RNF213: variants seen among roughly 807,000 people sequenced by gnomAD.
RNF213 encodes ring finger protein 213.
In RNF213, 341 loss-of-function variants were observed where a neutral mutation model predicts 514.4. That is an observed-to-expected ratio of 0.66 (90% confidence interval 0.61 to 0.73). The LOEUF is 0.73. RNF213 is among the 30% of genes least tolerant of loss of function. The pLI, the probability that RNF213 is intolerant of heterozygous loss-of-function variation, is 0.00. For synonymous variants in RNF213, 2,655 were observed against 2,658.2 expected (o/e 1.00, Z 0.04); for missense variants, 5,767 against 6,615.6 (o/e 0.87, Z 4.45).
In RNF213 at chr17:80,336,241, T is replaced by A. The variant is rs1164374129; in HGVS notation, c.4390T>A (p.Cys1464Ser). 1.3e-6 allele frequency: 2 copies of A among 1,537,266 alleles called. No homozygotes were observed. Among genetic ancestry groups the A allele is most frequent in the Non-Finnish European group, 1.7e-6 (2 of 1,146,906 alleles). ...TGACATTGATGTGGACCGGGTGGCC[T>A]GCTTCCATGACGCTGTGCAGGGCTA... ...ENDIDVDRVA[C>S]FHDAVQGYAS... Residue 1464 changes from cysteine to serine, a missense_variant, in exon 23 of 68, where the codon TGC becomes AGC. Around this residue, in one of 13 missense-constraint regions of RNF213, gnomAD observed 15 missense variants for 39.0 expected, o/e 0.38. Coordinates refer to ENST00000582970, the MANE Select transcript of RNF213 (RefSeq NM_001256071.3).
chr17:80,331,201 G>C (rs1261510425), intron 20 of RNF213, among the ~76,000 whole-genome samples: 1 of 152,086 alleles, frequency 6.6e-6, no homozygotes, highest in Non-Finnish European at 1.5e-5. Context: ...TGCACAATGT[G>C]TGTCTGCTTT....
At position 80,332,330 on chromosome 17, in the gene RNF213, C is replaced by T. The variant is rs538670385; in HGVS notation, c.3842C>T (p.Pro1281Leu). ...GAGGTGTATGACTATTTGTATCAGC[C>T]TTCTTACAGAAAGTTCATTAAGTTG... ...LEEVYDYLYQ[P>L]SYRKFIKLHQ... is the part of the protein sequence containing the mutation. The change falls in exon 21 of 68, where the codon CCT becomes CTT. Residue 1281 changes from proline to leucine, a missense_variant. Around this residue, in one of 13 missense-constraint regions of RNF213, gnomAD observed 516 missense variants for 566.5 expected, o/e 0.91. Coordinates refer to ENST00000582970, the MANE Select transcript of RNF213 (RefSeq NM_001256071.3). The T allele has an allele frequency of 6.2e-5, 96 of 1,537,192 alleles. 1 individual carries two copies. In the South Asian group the frequency reaches 1.1e-3, roughly 18 times the overall value.
At chr17:80,371,656 C>T in intron 46 of RNF213, 1 of 453,288 alleles carries the variant, frequency 2.2e-6, no homozygotes, top group Admixed American at 3.8e-5. Flanking sequence ...GGTCCTGAAA[C>T]CAAAGTTTGA....
rs1487509285 is a variant in RNF213 at position 80,343,734 on chromosome 17, T to C, written c.6184-123T>C. Reference sequence around the variant, plus strand: ...CTTGGAGACATGGGCCGTTGTTGGCTGAAATGTTGATGTTGATCATCAGGA... The same window carrying C: ...CTTGGAGACATGGGCCGTTGTTGGCCGAAATGTTGATGTTGATCATCAGGA... On this transcript the variant is annotated intron_variant, in intron 27 of 67. Coordinates refer to ENST00000582970, the MANE Select transcript of RNF213 (RefSeq NM_001256071.3). The surrounding 1 kb of genome is among the most constrained non-coding windows in gnomAD (Gnocchi z 4.3). 2.9e-6 allele frequency: 3 copies of C among 1,028,558 alleles called. No individual in the cohort carries two copies. Among genetic ancestry groups the C allele is most frequent in the South Asian group, 1.3e-5 (1 of 78,224 alleles). 63.7% of individuals were successfully genotyped at this position (1,028,558 alleles called of 1,614,324 possible).
In RNF213 at chr17:80,343,516, C is replaced by T. The variant is rs1296187059; in HGVS notation, c.6183+191C>T. 1.3e-5 allele frequency among the ~76,000 whole-genome samples: 2 copies of T among 152,132 alleles called. No individual in the cohort carries two copies. The highest frequency in any genetic ancestry group is 2.9e-5 in the Non-Finnish European group (2 of 68,038). On this transcript the variant is annotated intron_variant, in intron 27 of 67. Transcript: ENST00000582970. The surrounding 1 kb of genome is among the most constrained non-coding windows in gnomAD (Gnocchi z 4.3). ...CTCCTTGTGTGAACGTCATGGTGTG[C>T]GCTTACACTAACCTAGACGTAGAGC...
intron 1 of RNF213, among the ~76,000 whole-genome samples, chr17:80,261,344 C>T (rs868474928): frequency 3.9e-5 from 6 of 152,238 alleles, no homozygotes; most frequent in Admixed American, 2.6e-4. Flanking sequence ...AAAACAGACT[C>T]CTAACTTTTA....
intron 36 of RNF213, chr17:80,355,393 G>C (rs1197007447): frequency 9.1e-6 from 3 of 330,116 alleles, no homozygotes; most frequent in Non-Finnish European, 1.9e-5. Context: ...AAGAAGCGGG[G>C]TGAATGGGAA....
chr17:80,291,262 ATT>A (rs57271953), intron 7 of RNF213, among the ~76,000 whole-genome samples: 16 of 137,342 alleles, frequency 1.2e-4, no homozygotes, highest in Admixed American at 1.5e-4. Context: ...CTTTCTTATA[ATT>A]TTTTTTTTTT....
chr17:80,360,903 A>C (rs1277808478), intron 38 of RNF213, among the ~76,000 whole-genome samples: 1 of 152,066 alleles, frequency 6.6e-6, no homozygotes, highest in African/African-American at 2.4e-5. Context: ...CTCTCTCCTC[A>C]TGAGCATATT....
intron 29 of RNF213, among the ~76,000 whole-genome samples, chr17:80,349,122 G>A (rs1599082350): frequency 6.6e-6 from 1 of 152,156 alleles, no homozygotes; most frequent in South Asian, 2.1e-4. Context: ...GAGGGGTCCG[G>A]GGCGACCCCC....
chr17:80,381,933 C>T lies in RNF213; in HGVS notation c.13978+206C>T, dbSNP rs535459586. ...GGAAAAAGGAAGCACTCTGCTTGCC[C>T]AGAGGCTGGAAGGAGCTGCTCTGTT... is the stretch of plus-strand genomic sequence containing the variant. On this transcript the variant is annotated intron_variant, in intron 57 of 67. Transcript: ENST00000582970. The T allele has an allele frequency of 4.4e-4, 263 of 602,698 alleles. No individual in the cohort carries two copies. In the African/African-American group the frequency reaches 4.5e-3, roughly 10 times the overall value. 37.3% of individuals were successfully genotyped at this position (602,698 alleles called of 1,614,324 possible).
intron 61 of RNF213, 146 bp from the exon 62 acceptor site, chr17:80,386,104 C>CT (rs2144637143): frequency 2.7e-6 from 2 of 729,018 alleles, no homozygotes; most frequent in East Asian, 5.1e-5. Context: ...ATTTGAAACT[C>CT]TATCAGCATA....
intron 67 of RNF213, among the ~76,000 whole-genome samples, chr17:80,392,870 G>C (rs1265120850): frequency 6.6e-6 from 1 of 152,134 alleles, no homozygotes; most frequent in African/African-American, 2.4e-5. Context: ...GATTATAGGC[G>C]TGAGCCACTG....
chr17:80,323,711 T>A (rs1324907276), intron 17 of RNF213, among the ~76,000 whole-genome samples: 1 of 152,158 alleles, frequency 6.6e-6, no homozygotes, highest in African/African-American at 2.4e-5. Flanking sequence ...CGCCTTGACC[T>A]CCCAGAGTCC....
Position 80,372,626 on chromosome 17 carries a change from C to G in RNF213, c.12643C>G (p.Arg4215Gly). 6.2e-7 allele frequency: 1 copy of G among 1,614,024 alleles called. No homozygotes were observed. The highest frequency in any genetic ancestry group is 8.5e-7 in the Non-Finnish European group (1 of 1,180,000). The change falls in exon 48 of 68, where the codon CGA becomes GGA. Residue 4215 changes from arginine to glycine, a missense_variant. Transcript: ENST00000582970. ...GGCATATTCTCCAGCAAGCCGGGGCCGAGAGCCTGCCAACGAGGCCTCGGT... is the reference window on the plus strand; with the variant it reads ...GGCATATTCTCCAGCAAGCCGGGGCGGAGAGCCTGCCAACGAGGCCTCGGT... Reference protein sequence around the residue: ...LKAYSPASRGREPANEASVEY... With the variant: ...LKAYSPASRGGEPANEASVEY...
At position 80,393,562 on chromosome 17, in the gene RNF213, C is replaced by T. The variant is rs555607397; in HGVS notation, c.*64C>T. The stretch of plus-strand genomic sequence containing the variant: ...AAGACTCCTCTCTCCTCGTCTGCGG[C>T]GTGGACTTGATCATGGACTGGTGCC... On this transcript the variant is annotated 3_prime_UTR_variant, in exon 68 of 68. Transcript: ENST00000582970. The T allele has an allele frequency of 1.8e-4, 274 of 1,563,942 alleles. No individual in the cohort carries two copies. Among genetic ancestry groups the T allele is most frequent in the Middle Eastern group, 1.1e-3 (5 of 4,712 alleles).
chr17:80,391,639 C>T (rs2080475423), intron 67 of RNF213, among the ~76,000 whole-genome samples: 1 of 152,046 alleles, frequency 6.6e-6, no homozygotes, highest in African/African-American at 2.4e-5. Context: ...CTGCCGTGTG[C>T]CACAGTGCTC....
chr17:80,307,829 C>T (rs904901200), intron 13 of RNF213, among the ~76,000 whole-genome samples: 3 of 147,822 alleles, frequency 2.0e-5, no homozygotes, highest in Admixed American at 6.9e-5. Context: ...GGATTACAGG[C>T]GTGAGCCACC....
chr17:80,262,882 G>A (rs2145063889), intron 1 of RNF213, among the ~76,000 whole-genome samples: 1 of 152,300 alleles, frequency 6.6e-6, no homozygotes, highest in African/African-American at 2.4e-5. Context: ...CCAGTCAGCT[G>A]CCGCTCCAGC....
Sources: allele counts gnomAD v4.1 joint callset (sites outside exome capture counted in the v4.1 genomes callset), GRCh38; gene constraint gnomAD v4.1.1; regional missense constraint gnomAD v4.1.1; non-coding constraint Gnocchi (gnomAD v3.1); transcripts MANE v1.5; gene names NCBI Gene and HGNC (gene_info 2026-07-23, HGNC 2026-07-21).